ARHGAP24: variants seen among roughly 807,000 people sequenced by gnomAD.
ARHGAP24 encodes the protein Rho GTPase activating protein 24.
In ARHGAP24, 50 loss-of-function variants were observed where a neutral mutation model predicts 76.4. The ratio of observed to expected loss-of-function variants is 0.65; its 90% CI spans 0.52 to 0.83. The LOEUF is 0.83. ARHGAP24 is among the 40% of genes least tolerant of loss of function. The probability of loss-of-function intolerance (pLI) is 0.00; values close to 1 mark genes in which losing one functional copy is unlikely to be tolerated. For synonymous variants in ARHGAP24, 345 were observed against 323.3 expected (o/e 1.07, Z -0.72); for missense variants, 930 against 914.2 (o/e 1.02, Z -0.22).
intron 3 of ARHGAP24, among the ~76,000 whole-genome samples, chr4:85,844,799 A>AT (rs1409765323): frequency 6.6e-6 from 1 of 152,104 alleles, no homozygotes; most frequent in Non-Finnish European, 1.5e-5. Context: ...GTTTTAGTTC[A>AT]TTTTGTTGTC....
chr4:85,492,401 C>T (rs1364561564), intron 1 of ARHGAP24, among the ~76,000 whole-genome samples: 18 of 152,114 alleles, frequency 1.2e-4, no homozygotes. Context: ...ATTAGCTCCT[C>T]CTTTCTACTC....
intron 2 of ARHGAP24, among the ~76,000 whole-genome samples, chr4:85,693,758 C>A (rs964073597): frequency 3.3e-5 from 5 of 152,250 alleles, no homozygotes; most frequent in African/African-American, 7.2e-5. Context: ...GCCCCACTTT[C>A]TCCTGGCCTG....
chr4:85,688,898 T>C (rs1723528512), intron 2 of ARHGAP24, among the ~76,000 whole-genome samples: 1 of 152,220 alleles, frequency 6.6e-6, no homozygotes, highest in African/African-American at 2.4e-5. Flanking sequence ...TGCTGTTCCA[T>C]TGGTCTGTGT....
intron 1 of ARHGAP24, among the ~76,000 whole-genome samples, chr4:85,555,933 T>C (rs1301727557): frequency 1.3e-5 from 2 of 152,116 alleles, no homozygotes; most frequent in African/African-American, 4.8e-5. Flanking sequence ...GGAGGTGTGG[T>C]TAAATCACTG....
Position 85,804,182 on chromosome 4 carries a change from T to G in ARHGAP24, c.268+82210T>G, listed in dbSNP as rs371352878. 6.6e-5 allele frequency among the ~76,000 whole-genome samples: 10 copies of G among 152,260 alleles called. No individual in the cohort carries two copies. The East Asian group carries it at 7.7e-4, about 12-fold the overall frequency. ...AGATACAATTAGATTTAGGAAAATC[T>G]CCAAAATTTTGTACAACTCATTATA... On this transcript the variant is annotated intron_variant, in intron 3 of 9. Coordinates refer to ENST00000395184, the MANE Select transcript of ARHGAP24 (RefSeq NM_001025616.3).
chr4:85,927,333 G>A (rs1003490868), intron 4 of ARHGAP24, among the ~76,000 whole-genome samples: 2 of 152,102 alleles, frequency 1.3e-5, no homozygotes, highest in Non-Finnish European at 2.9e-5. Flanking sequence ...GAGCTGGGAT[G>A]GGGGGATGAG....
chr4:85,788,893 A>G (rs1727984277), intron 3 of ARHGAP24, among the ~76,000 whole-genome samples: 1 of 152,168 alleles, frequency 6.6e-6, no homozygotes. Context: ...CAGAAAGGAA[A>G]ATTACTTCTG....
intron 1 of ARHGAP24, among the ~76,000 whole-genome samples, chr4:85,487,461 AAC>A (rs1362861819): frequency 7.4e-5 from 5 of 67,454 alleles, no homozygotes; most frequent in Non-Finnish European, 9.1e-5. Context: ...ATATTATATA[AAC>A]ATATATTTAT....
chr4:85,612,792 C>CTTTTTTTTTTTTTTT lies in ARHGAP24; in HGVS notation c.180+42079_180+42093dup, dbSNP rs70948739. 8.5e-5 allele frequency among the ~76,000 whole-genome samples: 7 copies of CTTTTTTTTTTTTTTT among 82,774 alleles called. 1 individual carries two copies. Among genetic ancestry groups the CTTTTTTTTTTTTTTT allele is most frequent in the South Asian group, 1.1e-3 (2 of 1,880 alleles). 54.3% of individuals were successfully genotyped at this position (82,774 alleles called of 152,430 possible). A position where few individuals can be genotyped will look rare whatever the true frequency, so the allele number is the denominator to read the frequency against. ...AGCTAAAGCCCTATCCTTTCCATTC[C>CTTTTTTTTTTTTTTT]TTTTTTTTTTTTTTTTTTTTTTGTG... On this transcript the variant is annotated intron_variant, in intron 2 of 9. Transcript: ENST00000395184.
chr4:85,772,710 G>T (rs973073843), intron 3 of ARHGAP24, among the ~76,000 whole-genome samples: 1 of 152,182 alleles, frequency 6.6e-6, no homozygotes, highest in Non-Finnish European at 1.5e-5. Context: ...TAAACATGTA[G>T]TTCCATAGAA....
In ARHGAP24 at chr4:85,827,702, T is replaced by G; in HGVS notation, c.269-95946T>G. The G allele has an allele frequency of 1.5e-5, 5 of 327,934 alleles. 1 individual carries two copies. Among genetic ancestry groups the G allele is most frequent in the South Asian group, 1.3e-4 (5 of 39,296 alleles). 20.3% of individuals were successfully genotyped at this position (327,934 alleles called of 1,614,324 possible). A position where few individuals can be genotyped will look rare whatever the true frequency, so the allele number is the denominator to read the frequency against. ...GCCCCTCCTCTTCCCTGTACACTCCTTTTGCTTGTGGTCACCTTGTGGTGA... is the reference window on the plus strand; with the variant it reads ...GCCCCTCCTCTTCCCTGTACACTCCGTTTGCTTGTGGTCACCTTGTGGTGA... On this transcript the variant is annotated intron_variant, in intron 3 of 9. Coordinates refer to ENST00000395184, the MANE Select transcript of ARHGAP24 (RefSeq NM_001025616.3).
At chr4:85,566,494 G>A (rs1349681802) in intron 1 of ARHGAP24, among the ~76,000 whole-genome samples, 1 of 152,094 alleles carries the variant, frequency 6.6e-6, no homozygotes, top group African/African-American at 2.4e-5. Flanking sequence ...CTATGTCAAA[G>A]GAAAAAAGTC....
At chr4:85,685,647 A>G (rs1265487186) in intron 2 of ARHGAP24, among the ~76,000 whole-genome samples, 1 of 150,334 alleles carries the variant, frequency 6.7e-6, no homozygotes, top group African/African-American at 2.5e-5. Context: ...AAAAAAAAAA[A>G]GAAAAGAAAA....
chr4:85,931,617 A>C (rs1188108138), intron 4 of ARHGAP24, among the ~76,000 whole-genome samples: 2 of 152,154 alleles, frequency 1.3e-5, no homozygotes, highest in Non-Finnish European at 2.9e-5. Context: ...GCACTGGGAG[A>C]GGGCAAAGAT....
chr4:85,739,614 C>CTTTTTTTTTTTT, intron 3 of ARHGAP24, among the ~76,000 whole-genome samples: 1 of 7,462 alleles, frequency 1.3e-4, no homozygotes, highest in African/African-American at 1.4e-4. Flanking sequence ...CACGTTCAAT[C>CTTTTTTTTTTTT]TTTTTTTTTT....
At chr4:85,944,612 C>A (rs1441623952) in intron 5 of ARHGAP24, among the ~76,000 whole-genome samples, 1 of 152,070 alleles carries the variant, frequency 6.6e-6, no homozygotes, top group Non-Finnish European at 1.5e-5. Flanking sequence ...GTTGCCATTG[C>A]TTTGGTGTTT....
intron 1 of ARHGAP24, among the ~76,000 whole-genome samples, chr4:85,551,734 C>T (rs145905628): frequency 6.6e-6 from 1 of 152,104 alleles, no homozygotes; most frequent in Admixed American, 6.6e-5. Context: ...GATTCAGTTT[C>T]TTCCTAGTTC....
intron 2 of ARHGAP24, among the ~76,000 whole-genome samples, chr4:85,655,443 A>T (rs1050638899): frequency 6.6e-6 from 1 of 152,132 alleles, no homozygotes; most frequent in African/African-American, 2.4e-5. Context: ...ACTGCCAGAG[A>T]AAATACTTAT....
chr4:85,665,862 G>C (rs1383735801), intron 2 of ARHGAP24, among the ~76,000 whole-genome samples: 3 of 152,176 alleles, frequency 2.0e-5, no homozygotes, highest in Non-Finnish European at 4.4e-5. Flanking sequence ...CTTCTGGCTT[G>C]TAGGGTTTCT....
Sources: gnomAD v4.1 joint callset for allele counts (sites outside exome capture counted in the v4.1 genomes callset) on GRCh38, gnomAD v4.1.1 for gene constraint, MANE v1.5 for transcripts, NCBI Gene and HGNC (gene_info 2026-07-23, HGNC 2026-07-21) for gene names.